The following PCNX2 variants were observed in gnomAD, a reference collection of about 807,000 sequenced individuals.
The protein encoded by PCNX2 is pecanex-like protein 2.
PCNX2 carries 168 observed loss-of-function variants against 223.8 expected under a neutral mutation model. The ratio of observed to expected loss-of-function variants is 0.75; its 90% CI spans 0.66 to 0.85. The LOEUF (loss-of-function observed/expected upper bound fraction) is 0.85. PCNX2 is among the 40% of genes least tolerant of loss of function. The pLI is 0.00. For synonymous variants in PCNX2, 1,006 were observed against 1,052.6 expected, an observed-to-expected ratio of 0.96 and a Z score of 0.86; for missense variants, 2,507 against 2,675.5, an observed-to-expected ratio of 0.94 and a Z score of 1.39.
chr1:233,279,527 T>G (rs1380631843), intron 1 of PCNX2, among the ~76,000 whole-genome samples: 1 of 151,964 alleles, frequency 6.6e-6, no homozygotes, highest in Non-Finnish European at 1.5e-5. Flanking sequence ...TCAAGCAATC[T>G]GCCTGCCTCA....
intron 21 of PCNX2, among the ~76,000 whole-genome samples, chr1:233,119,139 T>TTAGA (rs1386767531): frequency 6.6e-6 from 1 of 151,858 alleles, no homozygotes; most frequent in Non-Finnish European, 1.5e-5. Flanking sequence ...GCTGGAATAA[T>TTAGA]TAGATATAAA....
chr1:233,072,535 GA>G (rs762601328), intron 23 of PCNX2, among the ~76,000 whole-genome samples: 6 of 152,148 alleles, frequency 3.9e-5, no homozygotes, highest in Non-Finnish European at 5.9e-5. Context: ...GTCTATCACT[GA>G]TGGGCATTTA....
the PCNX2 span, among the ~76,000 whole-genome samples, chr1:233,326,926 A>T: frequency 1.3e-5 from 2 of 152,288 alleles, no homozygotes; most frequent in South Asian, 4.1e-4. Flanking sequence ...AGTAAAAATA[A>T]GCAAAGGATT....
At chr1:233,002,983 A>G (rs1457484898) in intron 28 of PCNX2, among the ~76,000 whole-genome samples, 1 of 152,224 alleles carries the variant, frequency 6.6e-6, no homozygotes, top group South Asian at 2.1e-4. Flanking sequence ...CCCCTTCCTT[A>G]CACCTTATAC....
intron 19 of PCNX2, among the ~76,000 whole-genome samples, chr1:233,159,241 G>A (rs1051779275): frequency 1.3e-5 from 2 of 151,990 alleles, no homozygotes; most frequent in East Asian, 1.9e-4. Context: ...TAACTAAGGC[G>A]GCTCCTTGTG....
intron 21 of PCNX2, among the ~76,000 whole-genome samples, chr1:233,097,887 A>G (rs1358777502): frequency 6.6e-6 from 1 of 152,190 alleles, no homozygotes; most frequent in African/African-American, 2.4e-5. Flanking sequence ...GAACACATCA[A>G]GTGCCCAAGA....
intron 10 of PCNX2, among the ~76,000 whole-genome samples, chr1:233,221,494 C>T (rs2102935879): frequency 6.6e-6 from 1 of 152,292 alleles, no homozygotes; most frequent in East Asian, 1.9e-4. Flanking sequence ...CCCCAGGTTC[C>T]CAATCCTCTC....
Position 232,990,436 on chromosome 1 carries a change from A to G in PCNX2, c.5792-3896T>C, listed in dbSNP as rs1669656374. Among the ~76,000 whole-genome samples, 1 of 152,174 alleles carries G rather than the reference A, an allele frequency of 6.6e-6. No individual in the cohort carries two copies. Among genetic ancestry groups the G allele is most frequent in the Admixed American group, 6.5e-5 (1 of 15,274 alleles). On this transcript the variant is annotated intron_variant, in intron 32 of 33. Transcript: ENST00000258229. This position sits in a 1 kb window ranked among gnomAD's most constrained non-coding sequence, Gnocchi z 4.3. ...GCCGGGGGATTGGGGCACCAAGGTC[A>G]TGATGGTACATTTCAGGAGAGCCAA...
chr1:233,142,992 T>C (rs1677218706), intron 19 of PCNX2, among the ~76,000 whole-genome samples: 1 of 152,202 alleles, frequency 6.6e-6, no homozygotes, highest in South Asian at 2.1e-4. Flanking sequence ...GCTAATGTCT[T>C]CAACACCCGT....
At chr1:233,200,570 G>A (rs554080916) in intron 13 of PCNX2, among the ~76,000 whole-genome samples, 8 of 152,038 alleles carry the variant, frequency 5.3e-5, no homozygotes, top group African/African-American at 1.9e-4. Flanking sequence ...TGAGAAAGAA[G>A]TACTGATGAA....
chr1:233,297,951 G>A (rs542987623), upstream of PCNX2, among the ~76,000 whole-genome samples: 8 of 152,274 alleles, frequency 5.3e-5, no homozygotes, highest in Admixed American at 2.0e-4. Context: ...TTTGGGTTGA[G>A]ATGACTATAC....
chr1:233,295,182 C>G lies in PCNX2; in HGVS notation c.153+144G>C. ...CCCTTTCCCTGCATGTTCTCTGTCC[C>G]AAATTTCTGAAGCCCCTCCCTTTCC... On this transcript the variant is annotated intron_variant, in intron 1 of 33. Coordinates refer to ENST00000258229, the MANE Select transcript of PCNX2 (RefSeq NM_014801.4). The surrounding 1 kb of genome is among the most constrained non-coding windows in gnomAD (Gnocchi z 4.1). The G allele has an allele frequency of 8.2e-7, 1 of 1,215,714 alleles. No individual in the cohort carries two copies. The highest frequency in any genetic ancestry group is 1.1e-6 in the Non-Finnish European group (1 of 874,560). The allele number at this position is 1,215,714 out of a possible 1,614,324, so 75.3% of individuals were successfully genotyped here.
At chr1:233,189,183 A>T (rs1204099702) in intron 15 of PCNX2, among the ~76,000 whole-genome samples, 1 of 152,190 alleles carries the variant, frequency 6.6e-6, no homozygotes, top group African/African-American at 2.4e-5. Context: ...TTAGTCATGC[A>T]CCCTTAGGCA....
In PCNX2 at chr1:233,000,228, T is replaced by G. The variant is rs1670033516; in HGVS notation, c.5328+77A>C. 7.2e-6 allele frequency: 10 copies of G among 1,385,948 alleles called. No individual in the cohort carries two copies. Among genetic ancestry groups the G allele is most frequent in the Non-Finnish European group, 1.0e-5 (10 of 974,528 alleles). The allele number at this position is 1,385,948 out of a possible 1,614,324, so 85.9% of individuals were successfully genotyped here. On this transcript the variant is annotated intron_variant, in intron 30 of 33. Transcript: ENST00000258229. The surrounding 1 kb of genome is among the most constrained non-coding windows in gnomAD (Gnocchi z 4.6). Reference sequence around the variant, plus strand: ...AGAGACTCCTGTGTCAGTGCCCCCCTGCCCACCACCATTCTATTTCTTCTC... The same window carrying G: ...AGAGACTCCTGTGTCAGTGCCCCCCGGCCCACCACCATTCTATTTCTTCTC...
intron 10 of PCNX2, among the ~76,000 whole-genome samples, chr1:233,218,622 T>C (rs1657174283): frequency 6.6e-6 from 1 of 152,186 alleles, no homozygotes; most frequent in African/African-American, 2.4e-5. Context: ...GTAGTTACCT[T>C]AAGCAAGACT....
chr1:233,109,008 AC>A (rs992224690), intron 21 of PCNX2, among the ~76,000 whole-genome samples: 2 of 152,250 alleles, frequency 1.3e-5, no homozygotes, highest in Admixed American at 6.5e-5. Context: ...AAAGCTGGGG[AC>A]CCAGCAGACT....
chr1:233,272,546 G>A (rs1660695165), intron 1 of PCNX2, among the ~76,000 whole-genome samples: 1 of 152,192 alleles, frequency 6.6e-6, no homozygotes, highest in Non-Finnish European at 1.5e-5. Flanking sequence ...CTGCTGGTGG[G>A]AATGTGAACT....
chr1:233,277,824 A>T (rs778406727), intron 1 of PCNX2, among the ~76,000 whole-genome samples: 1 of 152,166 alleles, frequency 6.6e-6, no homozygotes, highest in Non-Finnish European at 1.5e-5. Context: ...GAGAAAGGAG[A>T]TGATGAAATA....
At chr1:233,078,616 C>T (rs906064959) in intron 23 of PCNX2, among the ~76,000 whole-genome samples, 1 of 152,186 alleles carries the variant, frequency 6.6e-6, no homozygotes, top group South Asian at 2.1e-4. Context: ...CTCACAAAGC[C>T]TCGCTCCTGG....
Sources: gnomAD v4.1 joint callset for allele counts (sites outside exome capture counted in the v4.1 genomes callset) on GRCh38, gnomAD v4.1.1 for gene constraint, Gnocchi (gnomAD v3.1) non-coding constraint, MANE v1.5 for transcripts, NCBI Gene and HGNC (gene_info 2026-07-23, HGNC 2026-07-21) for gene names.